Variants in ZNF530 observed in about 807,000 individuals in gnomAD.
ZNF530 encodes zinc finger protein 530.
A neutral mutation model predicts 2.8 loss-of-function variants in ZNF530; 5 were observed. The ratio of observed to expected loss-of-function variants is 1.80; its 90% CI spans 0.94 to 3.78. The LOEUF is 3.78. ZNF530 is among the 30% of genes most tolerant of loss of function. The pLI is 0.00. For missense variants in ZNF530, 619 were observed against 673.3 expected, an observed-to-expected ratio of 0.92 and a Z score of 0.89; for synonymous variants, 229 against 235.0, an observed-to-expected ratio of 0.97 and a Z score of 0.23.
At chr19:57,611,725 A>G (rs780059951), downstream of ZNF530, among the ~76,000 whole-genome samples, 3 of 150,466 alleles carry the variant, frequency 2.0e-5, no homozygotes, top group Non-Finnish European at 4.4e-5. Context: ...GGATAGTTTT[A>G]TGCTTTCCTG....
At chr19:57,605,402 G>C (rs369726930) in intron 3 of ZNF530, 1 of 330,142 alleles carries the variant, frequency 3.0e-6, no homozygotes, top group Non-Finnish European at 5.6e-6. Context: ...GCAGTGTACC[G>C]AAGTCCTCTC....
In ZNF530 at chr19:57,606,497, G is replaced by A. The variant is rs545278291; in HGVS notation, c.873G>A (p.Glu291=). ...TTCACACTGGAGAAAGGCCTTATGA[G>A]TGCAGTGAATGTGGGAAATCTTTTA... is the stretch of plus-strand genomic sequence containing the variant. ...QRVHTGERPY[E]CSECGKSFSH... is the part of the protein sequence containing the mutation. Residue 291 remains glutamate, a synonymous_variant, in exon 4 of 4, where the codon GAG becomes GAA. Coordinates refer to ENST00000597700, the MANE Select transcript of ZNF530 (RefSeq NM_001321981.2). The A allele has an allele frequency of 1.9e-6, 3 of 1,611,632 alleles. No homozygotes were observed. The highest frequency in any genetic ancestry group is 2.7e-5 in the African/African-American group (2 of 74,866).
At position 57,608,378 on chromosome 19, in the gene ZNF530, CAG is replaced by C. The variant is rs1370245261; in HGVS notation, c.*1056_*1057del. ...GTGGGGATTCAAATTTTGTTTGCCT[CAG>C]AGGGGACAGTATGCTCACAGAATAT... On this transcript the variant is annotated 3_prime_UTR_variant, in exon 4 of 4. Transcript: ENST00000597700. The C allele has an allele frequency of 6.6e-6, 1 of 152,150 alleles. No homozygotes were observed. Among genetic ancestry groups the C allele is most frequent in the East Asian group, 1.9e-4 (1 of 5,194 alleles). 9.4% of individuals were successfully genotyped at this position (152,150 alleles called of 1,614,324 possible).
Position 57,606,175 on chromosome 19 carries a change from G to T in ZNF530, c.551G>T (p.Arg184Met). 1 of 1,614,220 alleles carries T rather than the reference G, an allele frequency of 6.2e-7. No individual in the cohort carries two copies. The highest frequency in any genetic ancestry group is 8.5e-7 in the Non-Finnish European group (1 of 1,180,046). ...GRKPLKYTES[R>M]KSFREKSVFI... ...AAGCCTCTCAAATACACTGAATCCA[G>T]GAAATCTTTTAGAGAGAAATCTGTA... Residue 184 changes from arginine to methionine, a missense_variant, in exon 4 of 4, where the codon AGG becomes ATG. Arg to Met is a moderately conservative substitution (Grantham distance 91). Coordinates refer to ENST00000597700, the MANE Select transcript of ZNF530 (RefSeq NM_001321981.2).
rs773030420 is a variant in ZNF530, at chr19:57,607,166, T to C, written c.1542T>C (p.Tyr514=). The C allele has an allele frequency of 7.7e-5, 125 of 1,614,008 alleles. 2 individuals are homozygous for C. In the Admixed American group the frequency reaches 2.0e-3, roughly 26 times the overall value. Residue 514 remains tyrosine (Y), a synonymous_variant, in exon 4 of 4, where the codon TAT becomes TAC. Coordinates refer to ENST00000597700, the MANE Select transcript of ZNF530 (RefSeq NM_001321981.2). ...GAGTTCACACTGGAGAAAGGCCTTA[T>C]GAGTGCAGAGAATGTGGGAAATCTT... ...HRRVHTGERP[Y]ECRECGKSFT...
chr19:57,609,957 C>T lies in ZNF530; in HGVS notation c.*2632C>T, dbSNP rs1420684957. On this transcript the variant is annotated 3_prime_UTR_variant, in exon 4 of 4. Transcript: ENST00000597700. ...TGAAGCAGGTCTGCCTCTACGTGGC[C>T]TGGGGAGCTAGATGGTAGAGTCAAT... Among the ~76,000 whole-genome samples, 1 of 152,014 alleles carries T rather than the reference C, an allele frequency of 6.6e-6. No individual in the cohort carries two copies. The highest frequency in any genetic ancestry group is 1.5e-5 in the Non-Finnish European group (1 of 68,004).
At position 57,600,254 on chromosome 19, in the gene ZNF530, T is replaced by C. The variant is rs1980164992; in HGVS notation, c.-122+120T>C. The C allele has an allele frequency of 4.9e-6, 6 of 1,221,126 alleles. No homozygotes were observed. The South Asian group carries it at 7.9e-5, about 16-fold the overall frequency. The allele number at this position is 1,221,126 out of a possible 1,614,324, so 75.6% of individuals were successfully genotyped here. On this transcript the variant is annotated intron_variant, in intron 1 of 3. Coordinates refer to ENST00000597700, the MANE Select transcript of ZNF530 (RefSeq NM_001321981.2). ...CACAGTGAGGCGCTGGTGCTGGATC[T>C]CGTTTCTGGTAGTGTGGCAGGGAGC...
intron 1 of ZNF530, 58 bp downstream of exon 1, chr19:57,600,192 G>T: frequency 1.3e-6 from 2 of 1,530,944 alleles, no homozygotes; most frequent in South Asian, 2.4e-5. Context: ...TGAGGGACGC[G>T]TGAAGGGTTT....
Position 57,600,064 on chromosome 19 carries a change from C to G in ZNF530, c.-192C>G. The stretch of plus-strand genomic sequence containing the variant: ...TGACAGCTTTGCTCTTGTCTCCGCC[C>G]GGATCGTCCACCGCTCCCGGCCCGC... On this transcript the variant is annotated 5_prime_UTR_variant, in exon 1 of 4. Transcript: ENST00000597700. 1 of 1,513,542 alleles carries G rather than the reference C, an allele frequency of 6.6e-7. No individual in the cohort carries two copies. Among genetic ancestry groups the G allele is most frequent in the Non-Finnish European group, 8.9e-7 (1 of 1,119,942 alleles). The allele number at this position is 1,513,542 out of a possible 1,614,324, so 93.8% of individuals were successfully genotyped here.
downstream of ZNF530, among the ~76,000 whole-genome samples, chr19:57,610,705 T>G (rs1980844876): frequency 6.6e-6 from 1 of 152,014 alleles, no homozygotes. Context: ...CCATATTCCC[T>G]GAAGGCCAGA....
At chr19:57,600,241 C>G (rs1483299316) in intron 1 of ZNF530, 107 bp downstream of exon 1, 9 of 1,292,280 alleles carry the variant, frequency 7.0e-6, no homozygotes, top group Admixed American at 5.5e-5. Flanking sequence ...CAGTGAGGCG[C>G]TGGTGCTGGA....
chr19:57,604,469 G>A (rs533484241), intron 3 of ZNF530, 63 bp downstream of exon 3: 665 of 1,566,470 alleles, frequency 4.2e-4, no homozygotes, highest in Middle Eastern at 1.0e-3. Flanking sequence ...TGTCCCTGAG[G>A]CAGCTCTGTC....
chr19:57,611,313 T>C (rs888830094), downstream of ZNF530, among the ~76,000 whole-genome samples: 4 of 152,126 alleles, frequency 2.6e-5, no homozygotes, highest in African/African-American at 9.7e-5. Flanking sequence ...CAAAGTACAC[T>C]TGGAAAAGGG....
At chr19:57,612,554 A>T, downstream of ZNF530, 1 of 399,266 alleles carries the variant, frequency 2.5e-6, no homozygotes. Context: ...GGTGGCTCAC[A>T]TCTGTAATCC....
intron 3 of ZNF530, chr19:57,605,323 T>G (rs535359219): frequency 5.6e-6 from 1 of 177,514 alleles, no homozygotes; most frequent in Admixed American, 5.7e-5. Flanking sequence ...TGTTTTTAAA[T>G]AGTCCTTCCA....
rs1347925085 is a variant in ZNF530 at position 57,606,208 on chromosome 19, A to G, written c.584A>G (p.Gln195Arg). ...KSFREKSVFI[Q>R]HQRADSGERP... ...TTTAGAGAGAAATCTGTATTCATTCAACACCAAAGAGCTGACTCTGGAGAA... is the reference window on the plus strand; with the variant it reads ...TTTAGAGAGAAATCTGTATTCATTCGACACCAAAGAGCTGACTCTGGAGAA... The change falls in exon 4 of 4, where the codon CAA becomes CGA. Residue 195 changes from glutamine to arginine, a missense_variant. Transcript: ENST00000597700. 1.9e-6 allele frequency: 3 copies of G among 1,614,128 alleles called. No homozygotes were observed. Among genetic ancestry groups the G allele is most frequent in the Non-Finnish European group, 2.5e-6 (3 of 1,180,048 alleles).
Position 57,606,101 on chromosome 19 carries a change from T to C in ZNF530, c.477T>C (p.Ile159=), listed in dbSNP as rs1471043798. ...TCCAGCATCAGGTGACTCCCACCAT[T>C]GAGAGACCACACAGCAGGATTAGAC... ...GLLQHQVTPT[I]ERPHSRIRHL... is the part of the protein sequence containing the mutation. The change falls in exon 4 of 4, where the codon ATT becomes ATC. Residue 159 remains isoleucine, a synonymous_variant. Transcript: ENST00000597700. The C allele has an allele frequency of 8.7e-6, 14 of 1,614,070 alleles. No homozygotes were observed. The highest frequency in any genetic ancestry group is 1.0e-5 in the Non-Finnish European group (12 of 1,180,042).
chr19:57,599,962 G>C lies in ZNF530; in HGVS notation c.-294G>C, dbSNP rs1190428437. Reference sequence around the variant, plus strand: ...TCCGCGGGTGCCGGATCTGGACCTAGGTGCTGACAGCGAGAAGGCGCGAGG... The same window carrying C: ...TCCGCGGGTGCCGGATCTGGACCTACGTGCTGACAGCGAGAAGGCGCGAGG... On this transcript the variant is annotated 5_prime_UTR_variant, in exon 1 of 4. Coordinates refer to ENST00000597700, the MANE Select transcript of ZNF530 (RefSeq NM_001321981.2). The C allele has an allele frequency of 1.0e-6, 1 of 956,750 alleles. No homozygotes were observed. The highest frequency in any genetic ancestry group is 1.5e-6 in the Non-Finnish European group (1 of 670,562). The allele number at this position is 956,750 out of a possible 1,614,324, so 59.3% of individuals were successfully genotyped here. A position where few individuals can be genotyped will look rare whatever the true frequency, so the allele number is the denominator to read the frequency against.
Position 57,606,904 on chromosome 19 carries a change from CAAAG to C in ZNF530, c.1281_1284del (p.Lys428LeufsTer130). The stretch of plus-strand genomic sequence containing the variant: ...CGACACAGAAGAGCTCACACTAAAA[CAAAG>C]CCTTATGAGTGCAGTGAATGTGAAA... On this transcript the variant is annotated frameshift_variant, in exon 4 of 4. Transcript: ENST00000597700. LOFTEE classifies it low-confidence loss of function (END_TRUNC). The C allele has an allele frequency of 6.2e-7, 1 of 1,610,284 alleles. No individual in the cohort carries two copies. The highest frequency in any genetic ancestry group is 8.5e-7 in the Non-Finnish European group (1 of 1,178,792).
Sources: gnomAD v4.1 joint callset for allele counts (sites outside exome capture counted in the v4.1 genomes callset) on GRCh38, gnomAD v4.1.1 for gene constraint, MANE v1.5 for transcripts, NCBI Gene and HGNC (gene_info 2026-07-23, HGNC 2026-07-21) for gene names.